The following PRUNE2 variants were observed in gnomAD, a reference collection of about 807,000 sequenced individuals.
PRUNE2 encodes the protein protein prune homolog 2.
In PRUNE2, 164 loss-of-function variants were observed where a neutral mutation model predicts 252.0. That is an observed-to-expected ratio of 0.65 (90% CI 0.57 to 0.74). The LOEUF is 0.74. PRUNE2 is among the 30% of genes least tolerant of loss of function. The probability of loss-of-function intolerance (pLI) is 0.00; values close to 1 mark genes in which losing one functional copy is unlikely to be tolerated. For synonymous variants in PRUNE2, 1,292 were observed against 1,350.2 expected, an observed-to-expected ratio of 0.96 and a Z score of 0.94; for missense variants, 3,495 against 3,711.0, an observed-to-expected ratio of 0.94 and a Z score of 1.51.
chr9:76,708,951 G>A lies in PRUNE2; in HGVS notation c.3323C>T (p.Ala1108Val), dbSNP rs1340172171. Residue 1108 changes from alanine (A) to valine (V), a missense_variant, in exon 8 of 19, where the codon GCC (alanine) becomes GTC (valine). Coordinates refer to ENST00000376718, the MANE Select transcript of PRUNE2 (RefSeq NM_015225.3). ...LHSSTNSRQT[A>V]PDSLDLWNRV... Reference sequence around the variant, plus strand: ...GTTCCACAAGTCGAGACTGTCAGGGGCCGTCTGCCGGGAGTTGGTGCTGCT... The same window carrying A: ...GTTCCACAAGTCGAGACTGTCAGGGACCGTCTGCCGGGAGTTGGTGCTGCT... 5 of 1,613,852 alleles carry A rather than the reference G, an allele frequency of 3.1e-6. No individual in the cohort carries two copies. Among genetic ancestry groups the A allele is most frequent in the South Asian group, 1.1e-5 (1 of 91,082 alleles).
chr9:76,612,314 G>A lies in PRUNE2; in HGVS notation c.*2256C>T, dbSNP rs529330970. 1 of 152,238 alleles carries A rather than the reference G, an allele frequency of 6.6e-6. No homozygotes were observed. The highest frequency in any genetic ancestry group is 2.4e-5 in the African/African-American group (1 of 41,544). 9.4% of individuals were successfully genotyped at this position (152,238 alleles called of 1,614,324 possible). A position where few individuals can be genotyped will look rare whatever the true frequency, so the allele number is the denominator to read the frequency against. On this transcript the variant is annotated 3_prime_UTR_variant, in exon 19 of 19. Coordinates refer to ENST00000376718, the MANE Select transcript of PRUNE2 (RefSeq NM_015225.3). ...ACAAGTTAAAAATATATATATAAAT[G>A]GTGAGATTGTTGCTGTGTCTGTTTG...
chr9:76,905,872 C>T, intron 1 of PRUNE2, 56 bp downstream of exon 1: 1 of 1,610,374 alleles, frequency 6.2e-7, no homozygotes, highest in Non-Finnish European at 8.5e-7. Flanking sequence ...TTCCTCTCCA[C>T]CTTTCCATTA....
intron 6 of PRUNE2, among the ~76,000 whole-genome samples, chr9:76,814,094 G>A (rs936428948): frequency 6.6e-6 from 1 of 152,208 alleles, no homozygotes; most frequent in Non-Finnish European, 1.5e-5. Flanking sequence ...GATTACAGGC[G>A]TGAGCCACTG....
intron 1 of PRUNE2, among the ~76,000 whole-genome samples, chr9:76,897,327 T>A (rs961848062): frequency 2.0e-5 from 3 of 149,122 alleles, no homozygotes; most frequent in African/African-American, 7.4e-5. Flanking sequence ...AGAATTGAAG[T>A]CAGGTGATCC....
At chr9:76,888,826 G>A (rs1409078107) in intron 1 of PRUNE2, among the ~76,000 whole-genome samples, 1 of 151,826 alleles carries the variant, frequency 6.6e-6, no homozygotes, top group African/African-American at 2.4e-5. Context: ...TCTCCCTCCA[G>A]CCTGTTAATG....
chr9:76,729,859 A>G (rs1305756567), intron 6 of PRUNE2, among the ~76,000 whole-genome samples: 1 of 152,106 alleles, frequency 6.6e-6, no homozygotes, highest in Non-Finnish European at 1.5e-5. Context: ...TCTAATTTCA[A>G]TTTCCTTAAT....
At chr9:76,702,609 G>GTGAGTGAATGAA (rs1554707043) in intron 9 of PRUNE2, among the ~76,000 whole-genome samples, 1 of 150,802 alleles carries the variant, frequency 6.6e-6, no homozygotes, top group Non-Finnish European at 1.5e-5. Flanking sequence ...AAACCACATG[G>GTGAGTGAATGAA]TGAATGAATG....
At chr9:76,733,617 C>T (rs1168744833) in intron 6 of PRUNE2, 1 of 151,860 alleles carries the variant, frequency 6.6e-6, no homozygotes, top group African/African-American at 2.4e-5. Context: ...GTTGCCCAGG[C>T]TGGACTTGAA....
intron 6 of PRUNE2, among the ~76,000 whole-genome samples, chr9:76,775,318 A>G (rs2053615702): frequency 6.6e-6 from 1 of 151,776 alleles, no homozygotes; most frequent in Admixed American, 6.6e-5. Flanking sequence ...TTTTTTTGAG[A>G]CAAGGTCTCA....
intron 11 of PRUNE2, among the ~76,000 whole-genome samples, chr9:76,651,595 T>G (rs566305648): frequency 6.6e-6 from 1 of 152,270 alleles, no homozygotes; most frequent in African/African-American, 2.4e-5. Context: ...AAACAGAAAC[T>G]ACATAATGCC....
intron 15 of PRUNE2, among the ~76,000 whole-genome samples, chr9:76,629,627 C>T (rs1477980316): frequency 1.3e-5 from 2 of 148,362 alleles, no homozygotes; most frequent in Admixed American, 6.7e-5. Flanking sequence ...TACTTAAAAT[C>T]TACTCTCTTA....
Position 76,638,211 on chromosome 9 carries a change from G to C in PRUNE2, c.8806C>G (p.His2936Asp). Residue 2936 changes from histidine (H) to aspartate (D), a missense_variant, in exon 13 of 19, where the codon CAC (histidine) becomes GAC (aspartate). His to Asp is a moderately conservative substitution (Grantham distance 81, BLOSUM62 -1). Transcript: ENST00000376718. ...AGGAAAAGATTTTCCATGACATAGTGGTAATCCGCCCGACTGCTGTCTGGC... is the reference window on the plus strand; with the variant it reads ...AGGAAAAGATTTTCCATGACATAGTCGTAATCCGCCCGACTGCTGTCTGGC... ...FLPDSSRADY[H>D]YVMENLFLYV... 1.9e-6 allele frequency: 3 copies of C among 1,613,206 alleles called. No individual in the cohort carries two copies. Among genetic ancestry groups the C allele is most frequent in the Non-Finnish European group, 1.7e-6 (2 of 1,179,270 alleles).
intron 6 of PRUNE2, among the ~76,000 whole-genome samples, chr9:76,764,979 T>G (rs73460248): frequency 6.6e-6 from 1 of 152,124 alleles, no homozygotes; most frequent in Non-Finnish European, 1.5e-5. Context: ...GCAGAGCAGA[T>G]TTAGAGAAAA....
In PRUNE2 at chr9:76,883,182, T is replaced by C. The variant is rs115572059; in HGVS notation, c.36+22746A>G. On this transcript the variant is annotated intron_variant, in intron 1 of 18. Transcript: ENST00000376718. The stretch of plus-strand genomic sequence containing the variant: ...TGACTCACTTTTACATATAGCAAAA[T>C]TGTTTCACAAAAACTACATTGTCAC... Among the ~76,000 whole-genome samples the C allele has an allele frequency of 2.9e-3, 439 of 152,276 alleles. 4 individuals carry two copies. Among genetic ancestry groups the C allele is most frequent in the African/African-American group, 9.7e-3 (404 of 41,554 alleles).
intron 6 of PRUNE2, chr9:76,779,801 C>T (rs994379096): frequency 6.6e-6 from 1 of 152,238 alleles, no homozygotes; most frequent in Non-Finnish European, 1.5e-5. Flanking sequence ...ATGGTTCCTG[C>T]AACCTTTAAC....
chr9:76,762,418 G>A (rs1192104936), intron 6 of PRUNE2, among the ~76,000 whole-genome samples: 2 of 152,106 alleles, frequency 1.3e-5, no homozygotes, highest in African/African-American at 4.8e-5. Context: ...AACTACCATG[G>A]GAATAATCCA....
Position 76,705,152 on chromosome 9 carries a change from A to G in PRUNE2, c.7122T>C (p.Tyr2374=). Residue 2374 remains tyrosine (Y), a synonymous_variant, in exon 8 of 19, where the codon TAT becomes TAC. Transcript: ENST00000376718. ...CTTCCTCCAAAGGAGGGTCACCACC[A>G]TACAGGAAGTGTTCAGGCTCTCTCA... ...DLLREPEHFL[Y]GGDPPLEEDS... The G allele has an allele frequency of 1.2e-6, 2 of 1,614,004 alleles. No individual in the cohort carries two copies. Among genetic ancestry groups the G allele is most frequent in the East Asian group, 2.2e-5 (1 of 44,880 alleles).
chr9:76,905,358 C>A (rs1022259076), intron 1 of PRUNE2, among the ~76,000 whole-genome samples: 2 of 152,184 alleles, frequency 1.3e-5, no homozygotes, highest in African/African-American at 4.8e-5. Context: ...CCTTCTGCCT[C>A]CGCCCCAATT....
At position 76,793,700 on chromosome 9, in the gene PRUNE2, C is replaced by G. The variant is rs184377210; in HGVS notation, c.756+29932G>C. On this transcript the variant is annotated intron_variant, in intron 6 of 18. Coordinates refer to ENST00000376718, the MANE Select transcript of PRUNE2 (RefSeq NM_015225.3). ...TTTTTACTCAAGAGGTCACACACAT[C>G]TAATTTTCAGCCCTGTTCCTACACC... 3.6e-3 allele frequency among the ~76,000 whole-genome samples: 549 copies of G among 151,950 alleles called. 2 individuals carry two copies. The highest frequency in any genetic ancestry group is 5.8e-3 in the Non-Finnish European group (395 of 67,980).
Sources: gnomAD v4.1 joint callset for allele counts (sites outside exome capture counted in the v4.1 genomes callset) on GRCh38, gnomAD v4.1.1 for gene constraint, MANE v1.5 for transcripts, NCBI Gene and HGNC (gene_info 2026-07-23, HGNC 2026-07-21) for gene names.